The following CNTNAP2 variants were observed in gnomAD, a reference collection of about 807,000 sequenced individuals.
CNTNAP2 encodes the protein contactin-associated protein-like 2.
In CNTNAP2, 98 loss-of-function variants were observed where a neutral mutation model predicts 155.2. The observed-to-expected ratio is 0.63, with a 90% confidence interval of 0.54 to 0.75. The LOEUF (loss-of-function observed/expected upper bound fraction) is 0.75, where lower values mean the gene tolerates loss of function less well. Ranked by LOEUF, CNTNAP2 falls within the 30% of genes least tolerant of loss-of-function variation. The probability of loss-of-function intolerance (pLI) is 0.00; values close to 1 mark genes in which losing one functional copy is unlikely to be tolerated. For synonymous variants in CNTNAP2, 651 were observed against 631.2 expected (o/e 1.03, Z -0.47); for missense variants, 1,727 against 1,688.1 (o/e 1.02, Z -0.40).
At chr7:146,441,775 C>T (rs1023107796) in intron 1 of CNTNAP2, among the ~76,000 whole-genome samples, 9 of 151,424 alleles carry the variant, frequency 5.9e-5, no homozygotes, top group African/African-American at 2.2e-4. Context: ...TCCTGGGTCT[C>T]CAGCTGGAGA....
intron 13 of CNTNAP2, among the ~76,000 whole-genome samples, chr7:147,696,308 G>T (rs1796160533): frequency 6.6e-6 from 1 of 151,982 alleles, no homozygotes; most frequent in Non-Finnish European, 1.5e-5. Context: ...GATTTTATAT[G>T]ACTCTATCCT....
Position 148,147,553 on chromosome 7 carries a change from T to A in CNTNAP2, c.2617T>A (p.Ser873Thr), listed in dbSNP as rs776896133. The A allele has an allele frequency of 1.5e-5, 25 of 1,613,924 alleles. No individual in the cohort carries two copies. Among genetic ancestry groups the A allele is most frequent in the South Asian group, 1.5e-4 (14 of 91,078 alleles). ...GNGPVEIVVRSPTPLNDDQWH... is the reference protein window; with the variant it reads ...GNGPVEIVVRTPTPLNDDQWH... Reference sequence around the variant, plus strand: ...TGGGCCAGTAGAGATTGTAGTGAGGTCACCAACCCCTCTCAACGATGACCA... The same window carrying A: ...TGGGCCAGTAGAGATTGTAGTGAGGACACCAACCCCTCTCAACGATGACCA... Residue 873 changes from serine (S) to threonine (T), a missense_variant, in exon 17 of 24, where the codon TCA (serine) becomes ACA (threonine). Ser to Thr is a moderately conservative substitution (Grantham distance 58). Coordinates refer to ENST00000361727, the MANE Select transcript of CNTNAP2 (RefSeq NM_014141.6).
At position 148,100,830 on chromosome 7, in the gene CNTNAP2, C is replaced by T. The variant is rs188038865; in HGVS notation, c.2384-17288C>T. 3.0e-3 allele frequency among the ~76,000 whole-genome samples: 450 copies of T among 152,206 alleles called. 2 individuals carry two copies. Among genetic ancestry groups the T allele is most frequent in the Non-Finnish European group, 4.8e-3 (329 of 68,016 alleles). On this transcript the variant is annotated intron_variant, in intron 15 of 23. Coordinates refer to ENST00000361727, the MANE Select transcript of CNTNAP2 (RefSeq NM_014141.6). ...ATGCTGCTATAAAGACACATGCACA[C>T]GTATGTTTATAGCGGCACTATTCAC...
chr7:146,419,495 A>T (rs904662357), intron 1 of CNTNAP2, among the ~76,000 whole-genome samples: 16 of 152,100 alleles, frequency 1.1e-4, no homozygotes, highest in African/African-American at 3.9e-4. Context: ...AAGATTTCAT[A>T]CCTATGTGGA....
chr7:146,447,721 A>AT (rs1447744434), intron 1 of CNTNAP2, among the ~76,000 whole-genome samples: 1 of 151,960 alleles, frequency 6.6e-6, no homozygotes, highest in African/African-American at 2.4e-5. Context: ...AGAAGTATTT[A>AT]TTTTAATAGT....
intron 3 of CNTNAP2, among the ~76,000 whole-genome samples, chr7:146,893,261 A>C (rs1329594083): frequency 2.0e-5 from 3 of 152,162 alleles, no homozygotes; most frequent in Middle Eastern, 6.8e-3. Context: ...TTGAGTTTTA[A>C]ATTTTATACC....
At chr7:147,462,849 G>T (rs1798048264) in intron 10 of CNTNAP2, among the ~76,000 whole-genome samples, 1 of 152,146 alleles carries the variant, frequency 6.6e-6, no homozygotes, top group East Asian at 1.9e-4. Flanking sequence ...CGCAATCTTG[G>T]CTCACTGCAA....
At chr7:146,337,756 G>A (rs1423566313) in intron 1 of CNTNAP2, among the ~76,000 whole-genome samples, 1 of 152,112 alleles carries the variant, frequency 6.6e-6, no homozygotes, top group African/African-American at 2.4e-5. Flanking sequence ...ACAGGTGTTA[G>A]CCACCACACC....
At position 146,224,723 on chromosome 7, in the gene CNTNAP2, C is replaced by T. The variant is rs572739664; in HGVS notation, c.97+107750C>T. Among the ~76,000 whole-genome samples the T allele has an allele frequency of 6.6e-5, 10 of 152,184 alleles. No individual in the cohort carries two copies. In the South Asian group the frequency reaches 1.4e-3, roughly 22 times the overall value. On this transcript the variant is annotated intron_variant, in intron 1 of 23. Coordinates refer to ENST00000361727, the MANE Select transcript of CNTNAP2 (RefSeq NM_014141.6). ...GGCGGAGCTTGCAGTGAGCTGAGAT[C>T]GCGCCACTGCACTCCAGCCTGGGTG... is the stretch of plus-strand genomic sequence containing the variant.
intron 12 of CNTNAP2, among the ~76,000 whole-genome samples, chr7:147,566,552 G>A (rs1800174574): frequency 6.6e-6 from 1 of 152,160 alleles, no homozygotes; most frequent in Non-Finnish European, 1.5e-5. Context: ...TTACAATCAT[G>A]GCAGAAGGGG....
Position 148,212,571 on chromosome 7 carries a change from A to G in CNTNAP2, c.3011-4717A>G, listed in dbSNP as rs60640583. On this transcript the variant is annotated intron_variant, in intron 18 of 23. Transcript: ENST00000361727. ...TTAGTATTGTCTATTACTAGTATCT[A>G]TATTACTAGTACAAAACCTTAAACC... is the stretch of plus-strand genomic sequence containing the variant. Among the ~76,000 whole-genome samples the G allele has an allele frequency of 4.7e-3, 719 of 152,314 alleles. 5 individuals are homozygous for G. The highest frequency in any genetic ancestry group is 0.016 in the African/African-American group (673 of 41,570).
chr7:147,875,300 C>T (rs1170532622), intron 13 of CNTNAP2, among the ~76,000 whole-genome samples: 1 of 152,152 alleles, frequency 6.6e-6, no homozygotes, highest in Admixed American at 6.5e-5. Flanking sequence ...CTCACAATCA[C>T]AGTGGAAGGG....
At chr7:146,921,532 G>T (rs1563002879) in intron 3 of CNTNAP2, among the ~76,000 whole-genome samples, 1 of 152,068 alleles carries the variant, frequency 6.6e-6, no homozygotes, top group Admixed American at 6.6e-5. Flanking sequence ...TGCATAGCTG[G>T]GGAGGCCTCA....
At chr7:148,077,409 A>G (rs1477527728) in intron 15 of CNTNAP2, among the ~76,000 whole-genome samples, 2 of 152,160 alleles carry the variant, frequency 1.3e-5, no homozygotes, top group African/African-American at 4.8e-5. Flanking sequence ...GGTTCTGAAA[A>G]GCAAATCCTA....
chr7:147,328,013 C>T (rs1795492551), intron 9 of CNTNAP2, among the ~76,000 whole-genome samples: 1 of 151,826 alleles, frequency 6.6e-6, no homozygotes, highest in Non-Finnish European at 1.5e-5. Context: ...AATAAGCTGG[C>T]ACTTATACAA....
chr7:147,974,735 A>C (rs982472726), intron 14 of CNTNAP2, among the ~76,000 whole-genome samples: 1 of 152,204 alleles, frequency 6.6e-6, no homozygotes, highest in African/African-American at 2.4e-5. Flanking sequence ...AAATTGGTAC[A>C]TGCTTTTGGG....
chr7:147,945,596 A>G (rs1409275208), intron 14 of CNTNAP2, among the ~76,000 whole-genome samples: 1 of 151,936 alleles, frequency 6.6e-6, no homozygotes, highest in Non-Finnish European at 1.5e-5. Flanking sequence ...AAGAGAAATG[A>G]GTTATTTATG....
chr7:147,942,043 T>C (rs924600383), intron 14 of CNTNAP2, among the ~76,000 whole-genome samples: 3 of 152,222 alleles, frequency 2.0e-5, no homozygotes, highest in African/African-American at 4.8e-5. Context: ...GACACGTTTA[T>C]TTTATGTGGC....
intron 3 of CNTNAP2, among the ~76,000 whole-genome samples, chr7:147,027,004 G>GAAAAAAAAAAAAAA (rs57810224): frequency 3.0e-5 from 2 of 67,444 alleles, no homozygotes; most frequent in African/African-American, 1.2e-4. Flanking sequence ...AAACAGAACA[G>GAAAAAAAAAAAAAA]AAAAAAAAAA....
Sources: gnomAD v4.1 joint callset for allele counts (sites outside exome capture counted in the v4.1 genomes callset) on GRCh38, gnomAD v4.1.1 for gene constraint, MANE v1.5 for transcripts, NCBI Gene and HGNC (gene_info 2026-07-23, HGNC 2026-07-21) for gene names.